Variants in SLC25A17 observed in about 807,000 individuals in gnomAD.
SLC25A17 encodes peroxisomal membrane protein PMP34.
Under a neutral mutation model 38.5 loss-of-function variants are expected in SLC25A17, and 26 were observed. The ratio of observed to expected loss-of-function variants is 0.68; its 90% confidence interval spans 0.50 to 0.94. The LOEUF (loss-of-function observed/expected upper bound fraction) is 0.94. Ranked by LOEUF, SLC25A17 falls within the 40% of genes least tolerant of loss-of-function variation. The probability of loss-of-function intolerance (pLI) is 0.00; values close to 1 mark genes in which losing one functional copy is unlikely to be tolerated. For synonymous variants in SLC25A17, 139 were observed against 136.2 expected (o/e 1.02, Z -0.14); for missense variants, 333 against 372.7 (o/e 0.89, Z 0.88).
At chr22:40,773,006 T>C (rs903251668) in intron 8 of SLC25A17, among the ~76,000 whole-genome samples, 3 of 152,178 alleles carry the variant, frequency 2.0e-5, no homozygotes, top group African/African-American at 7.2e-5. Context: ...AATAAAGTTA[T>C]AAGAGCTTTT....
intron 1 of SLC25A17, among the ~76,000 whole-genome samples, chr22:40,812,468 T>G (rs867035620): frequency 2.0e-5 from 3 of 152,172 alleles, no homozygotes; most frequent in South Asian, 2.1e-4. Flanking sequence ...AAGCATATTT[T>G]CATGCCTTTT....
chr22:40,775,461 T>G (rs1427915758), intron 7 of SLC25A17, among the ~76,000 whole-genome samples: 5 of 79,532 alleles, frequency 6.3e-5, no homozygotes, highest in African/African-American at 2.0e-4. Context: ...TTTTTTTTTT[T>G]TTTTTTTTTT....
chr22:40,777,102 C>T lies in SLC25A17; in HGVS notation c.631G>A (p.Val211Ile), dbSNP rs146202372. The T allele has an allele frequency of 4.3e-5, 70 of 1,614,172 alleles. No individual in the cohort carries two copies. In the African/African-American group the frequency reaches 8.1e-4, roughly 19 times the overall value. The change falls in exon 7 of 9, where the codon GTA becomes ATA. Residue 211 changes from valine to isoleucine, a missense_variant. By Grantham distance (29) the Val-to-Ile change is conservative (BLOSUM62 3). Transcript: ENST00000435456. ...SSLDVFIIGA[V>I]AKAIATTVTY... ...ACCGTGGTGGCAATCGCTTTGGCTA[C>T]TGCACCAATGATGAACACATCCAAG...
chr22:40,792,593 A>G lies in SLC25A17; in HGVS notation c.266T>C (p.Leu89Pro), dbSNP rs781228482. Residue 89 changes from leucine to proline, a missense_variant, in exon 4 of 9, where the codon CTC becomes CCC. Transcript: ENST00000435456. The stretch of plus-strand genomic sequence containing the variant: ...TTGACCTTTGACCCAGAGTGCTTTG[A>G]GGCTATTAAAAGTGTAGAAATAGAC... ...NFVYFYTFNSLKALWVKGQHS... is the reference protein window; with the variant it reads ...NFVYFYTFNSPKALWVKGQHS... 1 of 1,614,086 alleles carries G rather than the reference A, an allele frequency of 6.2e-7. No homozygotes were observed. Among genetic ancestry groups the G allele is most frequent in the Non-Finnish European group, 8.5e-7 (1 of 1,179,960 alleles).
rs73887875 is a variant in SLC25A17, at chr22:40,789,368, C to T, written c.334+3157G>A. The stretch of plus-strand genomic sequence containing the variant: ...GGGAAGGGGCGTGAGCTCTGTCTGC[C>T]GCGGGGGTGCACCAGGGGCCCGACG... On this transcript the variant is annotated intron_variant, in intron 4 of 8. Transcript: ENST00000435456. This position sits in a 1 kb window ranked among gnomAD's most constrained non-coding sequence, Gnocchi z 4.5. 0.014 allele frequency: 2,178 copies of T among 152,498 alleles called. 53 individuals carry two copies. Among genetic ancestry groups the T allele is most frequent in the African/African-American group, 0.05 (2,094 of 41,572 alleles). 9.4% of individuals were successfully genotyped at this position (152,498 alleles called of 1,614,324 possible). A position where few individuals can be genotyped will look rare whatever the true frequency, so the allele number is the denominator to read the frequency against.
chr22:40,773,192 G>A (rs1322830145), intron 8 of SLC25A17, among the ~76,000 whole-genome samples: 1 of 151,922 alleles, frequency 6.6e-6, no homozygotes, highest in Non-Finnish European at 1.5e-5. Flanking sequence ...GGCAGATCAC[G>A]AGGTCAGGAG....
At chr22:40,801,947 T>C (rs1413074879) in intron 1 of SLC25A17, among the ~76,000 whole-genome samples, 2 of 152,084 alleles carry the variant, frequency 1.3e-5, no homozygotes, top group African/African-American at 2.4e-5. Flanking sequence ...CCCGCCTCCA[T>C]GCCCAGCTAA....
At chr22:40,816,405 C>T (rs1207298977) in intron 1 of SLC25A17, among the ~76,000 whole-genome samples, 2 of 152,072 alleles carry the variant, frequency 1.3e-5, no homozygotes, top group Non-Finnish European at 2.9e-5. Flanking sequence ...TATTGGAACA[C>T]AGCTCTGTCC....
At chr22:40,772,641 T>C (rs550132802) in intron 8 of SLC25A17, among the ~76,000 whole-genome samples, 118 of 152,150 alleles carry the variant, frequency 7.8e-4, no homozygotes, top group African/African-American at 2.7e-3. Context: ...TCTTTTTTTT[T>C]TTTTATTTTT....
In SLC25A17 at chr22:40,770,851, G is replaced by A. The variant is rs140879743; in HGVS notation, c.907C>T (p.Arg303Cys). The A allele has an allele frequency of 1.6e-4, 250 of 1,610,706 alleles. 2 individuals carry two copies. In the East Asian group the frequency reaches 5.2e-3, roughly 34 times the overall value. ...AATFTVMGLK[R>C]AHQH Reference sequence around the variant, plus strand: ...AAGGCGTCTCAGTGTTGGTGTGCACGCTTCAGCCCCATAACTGTGAAGGTG... The same window carrying A: ...AAGGCGTCTCAGTGTTGGTGTGCACACTTCAGCCCCATAACTGTGAAGGTG... Residue 303 changes from arginine (R) to cysteine (C), a missense_variant, in exon 9 of 9, where the codon CGT becomes TGT. Transcript: ENST00000435456.
chr22:40,776,108 C>A, intron 7 of SLC25A17: 1 of 275,350 alleles, frequency 3.6e-6, no homozygotes. Flanking sequence ...AAGAAGAGCC[C>A]CACCATGCCC....
At chr22:40,808,032 G>A (rs898670841) in intron 1 of SLC25A17, among the ~76,000 whole-genome samples, 40 of 151,876 alleles carry the variant, frequency 2.6e-4, no homozygotes, top group African/African-American at 9.4e-4. Context: ...CATAAAATTA[G>A]AAGGCACAAA....
At chr22:40,818,704 CG>C (rs1568993020) in intron 1 of SLC25A17, among the ~76,000 whole-genome samples, 1 of 132,468 alleles carries the variant, frequency 7.5e-6, no homozygotes, top group East Asian at 2.1e-4. Flanking sequence ...AGACCCTGTC[CG>C]GAAAAAAAAA....
At chr22:40,778,985 G>T (rs1042964428) in intron 5 of SLC25A17, 24 bp downstream of exon 5, 8 of 1,581,190 alleles carry the variant, frequency 5.1e-6, no homozygotes, top group Non-Finnish European at 7.0e-6. Flanking sequence ...CCCTTAAATA[G>T]GAATTCAGCA....
At chr22:40,806,021 C>G (rs1328664381) in intron 1 of SLC25A17, among the ~76,000 whole-genome samples, 1 of 152,206 alleles carries the variant, frequency 6.6e-6, no homozygotes, top group Non-Finnish European at 1.5e-5. Context: ...CAGCTAGTAA[C>G]TGTGAGTATG....
chr22:40,775,383 G>A (rs1236884793), intron 7 of SLC25A17, among the ~76,000 whole-genome samples: 1 of 147,946 alleles, frequency 6.8e-6, no homozygotes, highest in Non-Finnish European at 1.5e-5. Flanking sequence ...TCATGGGGGT[G>A]GTTTCCCCTA....
At chr22:40,817,105 TC>T (rs1180181075) in intron 1 of SLC25A17, 2 of 152,210 alleles carry the variant, frequency 1.3e-5, no homozygotes, top group Non-Finnish European at 2.9e-5. Context: ...TTAGATGCAC[TC>T]CAACTATTTC....
chr22:40,819,056 C>A, intron 1 of SLC25A17, 139 bp downstream of exon 1: 1 of 883,212 alleles, frequency 1.1e-6, no homozygotes, highest in South Asian at 1.6e-5. Flanking sequence ...TGGCCCATTC[C>A]TCTCTGCCCC....
intron 3 of SLC25A17, among the ~76,000 whole-genome samples, chr22:40,793,985 G>T (rs908240329): frequency 3.9e-5 from 6 of 152,158 alleles, no homozygotes; most frequent in Non-Finnish European, 8.8e-5. Context: ...TTTGTGTGTG[G>T]TGTGTGTAAG....
Sources: gnomAD v4.1 joint callset for allele counts (sites outside exome capture counted in the v4.1 genomes callset) on GRCh38, gnomAD v4.1.1 for gene constraint, Gnocchi (gnomAD v3.1) non-coding constraint, MANE v1.5 for transcripts, NCBI Gene and HGNC (gene_info 2026-07-23, HGNC 2026-07-21) for gene names.